TRPC4: variants seen among roughly 807,000 people sequenced by gnomAD.
TRPC4 encodes the protein transient receptor potential cation channel subfamily C member 4, also known as short transient receptor potential channel 4.
TRPC4 carries 49 observed loss-of-function variants against 99.4 expected under a neutral mutation model. The observed-to-expected ratio is 0.49, with a 90% confidence interval of 0.39 to 0.63. The LOEUF (loss-of-function observed/expected upper bound fraction) is 0.63, where lower values mean the gene tolerates loss of function less well. TRPC4 is among the 20% of genes least tolerant of loss of function. TRPC4 has a pLI of 0.00. For missense variants in TRPC4, 898 were observed against 1,152.9 expected, an observed-to-expected ratio of 0.78 and a Z score of 3.20; for synonymous variants, 454 against 425.9, an observed-to-expected ratio of 1.07 and a Z score of -0.81.
chr13:37,829,040 G>A (rs527995638), intron 1 of TRPC4, among the ~76,000 whole-genome samples: 137 of 152,136 alleles, frequency 9.0e-4, no homozygotes, highest in Non-Finnish European at 1.7e-3. Context: ...TATAAATCCC[G>A]AAGACCTTGG....
chr13:37,663,801 G>A (rs1952539619), intron 5 of TRPC4, 72 bp from the exon 6 acceptor site: 3 of 1,314,106 alleles, frequency 2.3e-6, no homozygotes, highest in Non-Finnish European at 2.1e-6. Context: ...GTCAGACCCA[G>A]AAGGAAAACT....
chr13:37,670,726 G>C (rs1952809936), intron 5 of TRPC4, among the ~76,000 whole-genome samples: 1 of 152,004 alleles, frequency 6.6e-6, no homozygotes, highest in African/African-American at 2.4e-5. Flanking sequence ...TAATTTATAG[G>C]GTAAAATAAA....
Position 37,782,948 on chromosome 13 carries a change from G to A in TRPC4, c.378+8C>T, listed in dbSNP as rs1393658817. ...AAAATAAATTAAAAACTGTATTTTT[G>A]CAGGTACCTGTTTTTCTCCACTAGG... On this transcript the variant is annotated splice_region_variant and intron_variant, in intron 2 of 10. Transcript: ENST00000379705. The A allele has an allele frequency of 2.1e-6, 3 of 1,409,712 alleles. No homozygotes were observed. The highest frequency in any genetic ancestry group is 2.6e-5 in the Admixed American group (1 of 39,164). 87.3% of individuals were successfully genotyped at this position (1,409,712 alleles called of 1,614,324 possible).
chr13:37,715,879 T>C (rs1954645278), intron 3 of TRPC4, among the ~76,000 whole-genome samples: 1 of 152,170 alleles, frequency 6.6e-6, no homozygotes, highest in Non-Finnish European at 1.5e-5. Flanking sequence ...GAGGTTTGAA[T>C]TGCTTGCTAG....
In TRPC4 at chr13:37,746,319, T is replaced by C; in HGVS notation, c.515A>G (p.His172Arg). ...VQKGVSVPRP[H>R]EVRCNCVECV... ...TTCCACACAGTTACAGCGGACCTCG[T>C]GGGGTCGAGGCACTGAGACTCCTTT... The change falls in exon 3 of 11, where the codon CAC becomes CGC. Residue 172 changes from histidine (H) to arginine (R), a missense_variant. Transcript: ENST00000379705. 6.2e-7 allele frequency: 1 copy of C among 1,613,818 alleles called. No homozygotes were observed. The highest frequency in any genetic ancestry group is 8.5e-7 in the Non-Finnish European group (1 of 1,179,862).
chr13:37,828,825 C>T (rs1326976261), intron 1 of TRPC4, among the ~76,000 whole-genome samples: 1 of 152,074 alleles, frequency 6.6e-6, no homozygotes, highest in Non-Finnish European at 1.5e-5. Flanking sequence ...GACACTGGGG[C>T]CTACTTGATG....
Position 37,817,855 on chromosome 13 carries a change from C to T in TRPC4, c.-27-34495G>A, listed in dbSNP as rs535356232. Reference sequence around the variant, plus strand: ...CATATGCAGAAGATTGACATTGGACCCCTTCCTTACACCATATAGAAAAAT... The same window carrying T: ...CATATGCAGAAGATTGACATTGGACTCCTTCCTTACACCATATAGAAAAAT... On this transcript the variant is annotated intron_variant, in intron 1 of 10. Transcript: ENST00000379705. 4.3e-4 allele frequency among the ~76,000 whole-genome samples: 66 copies of T among 152,004 alleles called. 1 individual carries two copies. Among genetic ancestry groups the T allele is most frequent in the Middle Eastern group, 3.4e-3 (1 of 294 alleles).
At chr13:37,661,139 T>A (rs1952422828) in intron 6 of TRPC4, among the ~76,000 whole-genome samples, 1 of 152,230 alleles carries the variant, frequency 6.6e-6, no homozygotes, top group African/African-American at 2.4e-5. Flanking sequence ...TAATTATATG[T>A]TGCTTTTCAT....
chr13:37,832,201 C>T (rs1958441573), intron 1 of TRPC4, among the ~76,000 whole-genome samples: 1 of 151,982 alleles, frequency 6.6e-6, no homozygotes, highest in Admixed American at 6.6e-5. Context: ...TTTTAAATGA[C>T]ACGATATTGT....
At chr13:37,865,615 G>T (rs9548086) in intron 1 of TRPC4, among the ~76,000 whole-genome samples, 72,203 of 151,368 alleles carry the variant, frequency 0.48, 17,462 homozygotes, top group Admixed American at 0.58. Flanking sequence ...GGGGACAGTT[G>T]TTTATATTCC....
intron 2 of TRPC4, among the ~76,000 whole-genome samples, chr13:37,764,964 C>T (rs73168482): frequency 0.1 from 15,066 of 149,880 alleles, 1,106 homozygotes; most frequent in African/African-American, 0.21. Context: ...TTTTTTCTTT[C>T]TCATGTTGTC....
intron 4 of TRPC4, among the ~76,000 whole-genome samples, chr13:37,689,051 C>T (rs565372006): frequency 6.6e-5 from 10 of 152,254 alleles, no homozygotes; most frequent in East Asian, 5.8e-4. Context: ...TAAAGATTAA[C>T]GCATTCCTAC....
At chr13:37,717,311 A>T (rs1215028834) in intron 3 of TRPC4, among the ~76,000 whole-genome samples, 1 of 152,164 alleles carries the variant, frequency 6.6e-6, no homozygotes, top group Non-Finnish European at 1.5e-5. Context: ...AAACATACAG[A>T]TTTTAAGTCT....
intron 1 of TRPC4, among the ~76,000 whole-genome samples, chr13:37,796,590 GTTCTT>G (rs1957252079): frequency 6.6e-6 from 1 of 152,106 alleles, no homozygotes; most frequent in African/African-American, 2.4e-5. Flanking sequence ...CTCTCAGGGA[GTTCTT>G]TTGAGTCCTC....
chr13:37,811,124 G>T (rs1198764471), intron 1 of TRPC4, among the ~76,000 whole-genome samples: 3 of 151,978 alleles, frequency 2.0e-5, no homozygotes, highest in African/African-American at 7.2e-5. Flanking sequence ...ATTATTAATA[G>T]ATATTTAACT....
Position 37,633,370 on chromosome 13 carries a change from C to G in TRPC4, c.*3533G>C, listed in dbSNP as rs1417248905. Among the ~76,000 whole-genome samples, 1 of 152,006 alleles carries G rather than the reference C, an allele frequency of 6.6e-6. No homozygotes were observed. The highest frequency in any genetic ancestry group is 1.9e-4 in the East Asian group (1 of 5,188). ...TGAGCATGGAAGGCAGCTGTATACA[C>G]CATAGAAGACAGCTAAAAATACAAT... is the stretch of plus-strand genomic sequence containing the variant. On this transcript the variant is annotated 3_prime_UTR_variant, in exon 11 of 11. Coordinates refer to ENST00000379705, the MANE Select transcript of TRPC4 (RefSeq NM_016179.4).
At chr13:37,717,733 A>G (rs1281698280) in intron 3 of TRPC4, among the ~76,000 whole-genome samples, 1 of 152,172 alleles carries the variant, frequency 6.6e-6, no homozygotes, top group African/African-American at 2.4e-5. Flanking sequence ...TCTAGCCTCT[A>G]GAGTTGTGAG....
At position 37,655,280 on chromosome 13, in the gene TRPC4, T is replaced by C. The variant is rs1952189328; in HGVS notation, c.1692A>G (p.Leu564=). The part of the protein sequence containing the change: ...CEKQNNAFST[L]FETLQSLFWS... ...AAAACAGGGACTGCAGTGTCTCAAA[T>C]AACCTGTAATAAAGATAAAATGATA... The change falls in exon 7 of 11, where the codon TTA becomes TTG. Residue 564 remains leucine (L), a synonymous_variant. Coordinates refer to ENST00000379705, the MANE Select transcript of TRPC4 (RefSeq NM_016179.4). 2.0e-6 allele frequency: 3 copies of C among 1,534,182 alleles called. No individual in the cohort carries two copies. Among genetic ancestry groups the C allele is most frequent in the Non-Finnish European group, 2.6e-6 (3 of 1,136,848 alleles).
At chr13:37,685,303 G>A (rs779542820) in intron 4 of TRPC4, among the ~76,000 whole-genome samples, 11 of 151,996 alleles carry the variant, frequency 7.2e-5, no homozygotes, top group Admixed American at 1.3e-4. Flanking sequence ...TCTCAGAAAG[G>A]ATAAAGAATC....
Sources: gnomAD v4.1 joint callset for allele counts (sites outside exome capture counted in the v4.1 genomes callset) on GRCh38, gnomAD v4.1.1 for gene constraint, MANE v1.5 for transcripts, NCBI Gene and HGNC (gene_info 2026-07-23, HGNC 2026-07-21) for gene names.